Variants in BOD1L1 observed in about 807,000 individuals in gnomAD.
The protein encoded by BOD1L1 is biorientation of chromosomes in cell division protein 1-like 1.
In BOD1L1, 86 loss-of-function variants were observed where a neutral mutation model predicts 240.7. That is an observed-to-expected ratio of 0.36 (90% CI 0.30 to 0.43). The LOEUF is 0.43. Ranked by LOEUF, BOD1L1 falls within the 20% of genes least tolerant of loss-of-function variation. BOD1L1 has a pLI of 1.00. For synonymous variants in BOD1L1, 1,268 were observed against 1,272.3 expected (o/e 1.00, Z 0.07); for missense variants, 3,554 against 3,643.5 (o/e 0.98, Z 0.63).
chr4:13,614,123 A>G (rs1716386705), intron 4 of BOD1L1, 73 bp downstream of exon 4: 1 of 1,310,892 alleles, frequency 7.6e-7, no homozygotes, highest in Admixed American at 3.4e-5. Flanking sequence ...ATATGAAGGC[A>G]AATTTGATAC....
chr4:13,569,019 T>A lies in BOD1L1; in HGVS notation c.*992A>T, dbSNP rs1004776800. 6.6e-6 allele frequency: 1 copy of A among 152,202 alleles called. No individual in the cohort carries two copies. The highest frequency in any genetic ancestry group is 1.9e-4 in the East Asian group (1 of 5,206). 9.4% of individuals were successfully genotyped at this position (152,202 alleles called of 1,614,324 possible). A position where few individuals can be genotyped will look rare whatever the true frequency, so the allele number is the denominator to read the frequency against. On this transcript the variant is annotated 3_prime_UTR_variant, in exon 26 of 26. Coordinates refer to ENST00000040738, the MANE Select transcript of BOD1L1 (RefSeq NM_148894.3). ...GTTTGCTCATATGAGAGTTAAAACATGTTTAAAAAAACACTTGGCAATAAA... is the reference window on the plus strand; with the variant it reads ...GTTTGCTCATATGAGAGTTAAAACAAGTTTAAAAAAACACTTGGCAATAAA...
In BOD1L1 at chr4:13,600,277, G is replaced by A. The variant is rs763929497; in HGVS notation, c.6623C>T (p.Thr2208Ile). ...PPEAESPLAS[T>I]SKEEKDECAL... ...ACATTCATCCTTCTCCTCCTTGCTG[G>A]TTGAGGCAAGAGGACTTTCAGCTTC... Residue 2208 changes from threonine to isoleucine, a missense_variant, in exon 10 of 26, where the codon ACC (threonine) becomes ATC (isoleucine). Transcript: ENST00000040738. The A allele has an allele frequency of 1.2e-6, 2 of 1,614,012 alleles. No individual in the cohort carries two copies. Among genetic ancestry groups the A allele is most frequent in the Non-Finnish European group, 1.7e-6 (2 of 1,179,896 alleles).
In BOD1L1 at chr4:13,600,030, G is replaced by C. The variant is rs16888884; in HGVS notation, c.6870C>G (p.Thr2290=). ...CAGAGGTGCTTGTGGAAATCATGGC[G>C]GTGTCACCCATCTCTTCCGCTGGTG... The part of the protein sequence containing the change: ...SVTPAEEMGD[T]AMISTSTSEG... The change falls in exon 10 of 26, where the codon ACC becomes ACG. Residue 2290 remains threonine, a synonymous_variant. Transcript: ENST00000040738. 2.7e-4 allele frequency: 439 copies of C among 1,609,100 alleles called. 1 individual carries two copies. The African/African-American group carries it at 5.5e-3, about 20-fold the overall frequency.
At position 13,610,974 on chromosome 4, in the gene BOD1L1, G is replaced by A; in HGVS notation, c.1451C>T (p.Ser484Phe). Residue 484 changes from serine (S) to phenylalanine (F), a missense_variant, in exon 6 of 26, where the codon TCT becomes TTT. Ser to Phe is a radical substitution (Grantham distance 155). Coordinates refer to ENST00000040738, the MANE Select transcript of BOD1L1 (RefSeq NM_148894.3). The stretch of plus-strand genomic sequence containing the variant: ...TTGTTCTACAGTAAGCTCATCATCA[G>A]AATCACTATAGTATTTTGAGTAAAG... ...PYLYSKYYSD[S>F]DDELTVEQRR... The A allele has an allele frequency of 6.2e-7, 1 of 1,610,958 alleles. No individual in the cohort carries two copies. The highest frequency in any genetic ancestry group is 8.5e-7 in the Non-Finnish European group (1 of 1,178,894).
rs1715057805 is a variant in BOD1L1 at position 13,600,661 on chromosome 4, T to C, written c.6239A>G (p.Asp2080Gly). 1 of 1,613,948 alleles carries C rather than the reference T, an allele frequency of 6.2e-7. No individual in the cohort carries two copies. The change falls in exon 10 of 26, where the codon GAT becomes GGT. Residue 2080 changes from aspartate to glycine, a missense_variant. Coordinates refer to ENST00000040738, the MANE Select transcript of BOD1L1 (RefSeq NM_148894.3). ...VLIISTSTTN[D>G]YTPQVSAITD... The stretch of plus-strand genomic sequence containing the variant: ...AATTGCGCTTACCTGAGGGGTGTAA[T>C]CATTTGTGGTACTGGTGGAAATAAT...
At position 13,601,651 on chromosome 4, in the gene BOD1L1, C is replaced by T. The variant is rs574800151; in HGVS notation, c.5249G>A (p.Arg1750Gln). ...TGCACCTGTAACCATGCGTTCCTCCCGGGGCCCTGCTCCAGTTACTGAGCA... is the reference window on the plus strand; with the variant it reads ...TGCACCTGTAACCATGCGTTCCTCCTGGGGCCCTGCTCCAGTTACTGAGCA... Reference protein sequence around the residue: ...VICSVTGAGPREERMVTGAGV... With the variant: ...VICSVTGAGPQEERMVTGAGV... The change falls in exon 10 of 26, where the codon CGG becomes CAG. Residue 1750 changes from arginine to glutamine, a missense_variant. This residue lies in a region of BOD1L1 where 3,393 missense variants were observed against 3,427.1 expected (regional missense o/e 0.99). Coordinates refer to ENST00000040738, the MANE Select transcript of BOD1L1 (RefSeq NM_148894.3). The T allele has an allele frequency of 1.4e-4, 221 of 1,613,958 alleles. 1 individual carries two copies. In the South Asian group the frequency reaches 2.2e-3, roughly 16 times the overall value.
chr4:13,614,489 G>T lies in BOD1L1; in HGVS notation c.881C>A (p.Thr294Lys), dbSNP rs1390994794. 6.2e-7 allele frequency: 1 copy of T among 1,613,466 alleles called. No individual in the cohort carries two copies. The highest frequency in any genetic ancestry group is 8.5e-7 in the Non-Finnish European group (1 of 1,179,826). ...CAGAATTAAATTATTATGCTCTTTT[G>T]TGTAATTTTTAATTTCTTCGACTGG... ...PCPVEEIKNYTKEHNNLILLN... is the reference protein window; with the variant it reads ...PCPVEEIKNYKKEHNNLILLN... The change falls in exon 4 of 26, where the codon ACA becomes AAA. Residue 294 changes from threonine (T) to lysine (K), a missense_variant. Physicochemically the swap from Thr to Lys is moderately conservative, Grantham distance 78. Around this residue, in one of 2 missense-constraint regions of BOD1L1, gnomAD observed 3,393 missense variants for 3,427.1 expected, o/e 0.99. Coordinates refer to ENST00000040738, the MANE Select transcript of BOD1L1 (RefSeq NM_148894.3).
At position 13,599,301 on chromosome 4, in the gene BOD1L1, A is replaced by G; in HGVS notation, c.7599T>C (p.Ala2533=). The G allele has an allele frequency of 1.9e-6, 3 of 1,613,812 alleles. No individual in the cohort carries two copies. The highest frequency in any genetic ancestry group is 1.6e-4 in the Middle Eastern group (1 of 6,062). The change falls in exon 10 of 26, where the codon GCT becomes GCC. Residue 2533 remains alanine (A), a synonymous_variant. Coordinates refer to ENST00000040738, the MANE Select transcript of BOD1L1 (RefSeq NM_148894.3). Reference sequence around the variant, plus strand: ...CAGGTGGCATGTCATCAGCTTTTATAGCACCGGTGTTTACTGCTGCCAAAT... The same window carrying G: ...CAGGTGGCATGTCATCAGCTTTTATGGCACCGGTGTTTACTGCTGCCAAAT... ...IRYLAAVNTG[A]IKADDMPPVQ...
At chr4:13,587,837 A>G in intron 15 of BOD1L1, 66 bp from the exon 16 acceptor site, 1 of 1,061,898 alleles carries the variant, frequency 9.4e-7, no homozygotes, top group Non-Finnish European at 1.4e-6. Flanking sequence ...AAAGAGGAGC[A>G]CACTGTACTA....
chr4:13,599,970 G>A lies in BOD1L1; in HGVS notation c.6930C>T (p.Leu2310=), dbSNP rs199562175. 1 of 1,611,804 alleles carries A rather than the reference G, an allele frequency of 6.2e-7. No homozygotes were observed. Among genetic ancestry groups the A allele is most frequent in the Non-Finnish European group, 8.5e-7 (1 of 1,178,854 alleles). ...GCEAVMIGAV[L]QDEDRLTITR... Reference sequence around the variant, plus strand: ...TGATGGTGAGCCGATCTTCATCCTGGAGGACAGCACCAATCATGACTGCTT... The same window carrying A: ...TGATGGTGAGCCGATCTTCATCCTGAAGGACAGCACCAATCATGACTGCTT... The change falls in exon 10 of 26, where the codon CTC becomes CTT. Residue 2310 remains leucine (L), a synonymous_variant. Transcript: ENST00000040738.
At position 13,600,762 on chromosome 4, in the gene BOD1L1, G is replaced by A. The variant is rs755844556; in HGVS notation, c.6138C>T (p.Leu2046=). 50 of 1,613,854 alleles carry A rather than the reference G, an allele frequency of 3.1e-5. No individual in the cohort carries two copies. The highest frequency in any genetic ancestry group is 9.9e-5 in the South Asian group (9 of 91,084). The stretch of plus-strand genomic sequence containing the variant: ...TATCACCACTGGCTGTAGTTGCCAT[G>A]AGACCATCACACTCTTCATTTTCTA... ...TSVENEECDG[L]MATTASGDIT... is the part of the protein sequence containing the mutation. Residue 2046 remains leucine, a synonymous_variant, in exon 10 of 26, where the codon CTC becomes CTT. Transcript: ENST00000040738.
intron 12 of BOD1L1, among the ~76,000 whole-genome samples, chr4:13,595,327 C>T (rs960708979): frequency 1.2e-4 from 18 of 152,176 alleles, no homozygotes; most frequent in Admixed American, 3.3e-4. Context: ...TTAAGAGCTC[C>T]TGCCTTTATC....
chr4:13,575,140 C>T lies in BOD1L1; in HGVS notation c.9038+1698G>A, dbSNP rs542102537. 4.7e-3 allele frequency among the ~76,000 whole-genome samples: 707 copies of T among 151,994 alleles called. 6 individuals carry two copies. The highest frequency in any genetic ancestry group is 0.016 in the African/African-American group (667 of 41,448). ...TTCACCATATTGGCCAGGCTGGTCT[C>T]GAACTCCTGACCTCGTGATCCGCCG... On this transcript the variant is annotated intron_variant, in intron 25 of 25. Transcript: ENST00000040738.
intron 21 of BOD1L1, among the ~76,000 whole-genome samples, chr4:13,580,530 T>C (rs916554869): frequency 5.9e-5 from 9 of 152,184 alleles, no homozygotes. Flanking sequence ...TTGAAATGCA[T>C]GCGATGGAAT....
intron 1 of BOD1L1, among the ~76,000 whole-genome samples, chr4:13,621,013 G>A (rs1401188918): frequency 1.3e-5 from 2 of 152,178 alleles, no homozygotes; most frequent in East Asian, 3.9e-4. Context: ...GGATGCTACT[G>A]AAGATCCTAC....
In BOD1L1 at chr4:13,600,373, T is replaced by A. The variant is rs969659965; in HGVS notation, c.6527A>T (p.Glu2176Val). ...ESLQPVAAAV[E>V]ERATGPVLIS... Reference sequence around the variant, plus strand: ...CAAGACTGGACCTGTAGCCCTTTCTTCCACTGCTGCAGCAACCGGCTGAAG... The same window carrying A: ...CAAGACTGGACCTGTAGCCCTTTCTACCACTGCTGCAGCAACCGGCTGAAG... Residue 2176 changes from glutamate to valine, a missense_variant, in exon 10 of 26, where the codon GAA becomes GTA. By Grantham distance (121) the Glu-to-Val change is moderately radical. This residue lies in a region of BOD1L1 where 3,393 missense variants were observed against 3,427.1 expected (regional missense o/e 0.99). Coordinates refer to ENST00000040738, the MANE Select transcript of BOD1L1 (RefSeq NM_148894.3). 5 of 1,613,996 alleles carry A rather than the reference T, an allele frequency of 3.1e-6. No individual in the cohort carries two copies. The highest frequency in any genetic ancestry group is 1.1e-5 in the South Asian group (1 of 91,084).
At chr4:13,575,537 T>C (rs1712639994) in intron 25 of BOD1L1, among the ~76,000 whole-genome samples, 2 of 151,978 alleles carry the variant, frequency 1.3e-5, no homozygotes, top group South Asian at 2.1e-4. Context: ...CATGCCACCA[T>C]GCCCAGCTAA....
At chr4:13,608,707 G>C (rs779223833) in intron 7 of BOD1L1, 39 bp from the exon 8 acceptor site, 1 of 1,360,700 alleles carries the variant, frequency 7.3e-7, no homozygotes, top group Non-Finnish European at 9.5e-7. Context: ...TTTCAGAAAA[G>C]TTTTACAAAC....
At position 13,614,342 on chromosome 4, in the gene BOD1L1, T is replaced by A. The variant is rs1188939962; in HGVS notation, c.1028A>T (p.Glu343Val). ...CTTTTTTGAGTGATCAAATTTCTTTTCAGTCTTTTCCTTCTTTTCTTTCTT... is the reference window on the plus strand; with the variant it reads ...CTTTTTTGAGTGATCAAATTTCTTTACAGTCTTTTCCTTCTTTTCTTTCTT... ...ERKKEKKEKTEKKFDHSKKSE... is the reference protein window; with the variant it reads ...ERKKEKKEKTVKKFDHSKKSE... The change falls in exon 4 of 26, where the codon GAA (glutamate) becomes GTA (valine). Residue 343 changes from glutamate (E) to valine (V), a missense_variant. Glu to Val is a moderately radical substitution (Grantham distance 121). Around this residue, in one of 2 missense-constraint regions of BOD1L1, gnomAD observed 3,393 missense variants for 3,427.1 expected, o/e 0.99. Transcript: ENST00000040738. 2 of 1,550,916 alleles carry A rather than the reference T, an allele frequency of 1.3e-6. No individual in the cohort carries two copies. The highest frequency in any genetic ancestry group is 1.7e-6 in the Non-Finnish European group (2 of 1,146,966).
Sources: allele counts gnomAD v4.1 joint callset (sites outside exome capture counted in the v4.1 genomes callset), GRCh38; gene constraint gnomAD v4.1.1; regional missense constraint gnomAD v4.1.1; transcripts MANE v1.5; gene names NCBI Gene and HGNC (gene_info 2026-07-23, HGNC 2026-07-21).